Variants in FHIT observed in about 807,000 individuals in gnomAD.
FHIT encodes bis(5'-adenosyl)-triphosphatase.
In FHIT, 19 loss-of-function variants were observed where a neutral mutation model predicts 17.9. The ratio of observed to expected loss-of-function variants is 1.06; its 90% CI spans 0.74 to 1.56. The LOEUF (loss-of-function observed/expected upper bound fraction) is 1.56. Among genes scored for constraint, FHIT ranks in the 40% most tolerant of loss-of-function variants. The pLI is 0.00. For missense variants in FHIT, 248 were observed against 189.2 expected, an observed-to-expected ratio of 1.31 and a Z score of -1.82; for synonymous variants, 81 against 69.7, an observed-to-expected ratio of 1.16 and a Z score of -0.81.
At chr3:61,214,035 A>G (rs1473389752) in intron 1 of FHIT, among the ~76,000 whole-genome samples, 2 of 152,230 alleles carry the variant, frequency 1.3e-5, no homozygotes, top group East Asian at 1.9e-4. Context: ...ATAGCACTAA[A>G]TGCCCACAAA....
Position 60,626,258 on chromosome 3 carries a change from A to G in FHIT, c.-17-89279T>C, listed in dbSNP as rs188451624. Among the ~76,000 whole-genome samples the G allele has an allele frequency of 5.7e-4, 87 of 152,328 alleles. 1 individual carries two copies. The highest frequency in any genetic ancestry group is 1.0e-3 in the Admixed American group (16 of 15,298). ...GATTATCCTGTCAAGTTTTACAACA[A>G]TATCTGCTGAGATTTTGATAGGAGT... On this transcript the variant is annotated intron_variant, in intron 4 of 9. Transcript: ENST00000492590.
intron 7 of FHIT, among the ~76,000 whole-genome samples, chr3:59,948,422 C>T (rs1022956839): frequency 6.6e-6 from 1 of 150,950 alleles, no homozygotes; most frequent in African/African-American, 2.4e-5. Context: ...GAGGCTGAGT[C>T]AGGAGAATTG....
chr3:59,912,187 C>T (rs193212635), intron 8 of FHIT, among the ~76,000 whole-genome samples: 3 of 152,172 alleles, frequency 2.0e-5, no homozygotes, highest in African/African-American at 7.2e-5. Context: ...CACAGTCTCC[C>T]TCCACATTTG....
At chr3:60,942,714 T>C (rs1553774856) in intron 3 of FHIT, among the ~76,000 whole-genome samples, 1 of 152,178 alleles carries the variant, frequency 6.6e-6, no homozygotes, top group Admixed American at 6.5e-5. Flanking sequence ...GGTAATATTT[T>C]TGTATTATTC....
chr3:59,863,693 T>A (rs1016348351), intron 8 of FHIT, among the ~76,000 whole-genome samples: 4 of 152,162 alleles, frequency 2.6e-5, no homozygotes, highest in African/African-American at 9.6e-5. Flanking sequence ...GCAGGCAAAA[T>A]GGATTACATA....
At chr3:60,151,165 G>A (rs148594762) in intron 5 of FHIT, among the ~76,000 whole-genome samples, 104 of 152,208 alleles carry the variant, frequency 6.8e-4, no homozygotes, top group African/African-American at 2.0e-3. Flanking sequence ...TTGAAATTCT[G>A]TCAATTTCCT....
At chr3:61,125,457 TA>T (rs1418823127) in intron 2 of FHIT, among the ~76,000 whole-genome samples, 2 of 152,228 alleles carry the variant, frequency 1.3e-5, no homozygotes, top group Non-Finnish European at 2.9e-5. Context: ...TATAAATACC[TA>T]ATTGTTCTCC....
chr3:59,776,168 G>A (rs1046626007), intron 8 of FHIT, among the ~76,000 whole-genome samples: 9 of 152,228 alleles, frequency 5.9e-5, no homozygotes, highest in African/African-American at 2.2e-4. Context: ...TCCCCTTTGG[G>A]AATGGGCCTT....
chr3:60,094,768 G>A (rs991760330), intron 5 of FHIT, among the ~76,000 whole-genome samples: 7 of 151,896 alleles, frequency 4.6e-5, no homozygotes, highest in Non-Finnish European at 1.0e-4. Context: ...ATTTGCAGGT[G>A]AGGGAGGGAA....
intron 5 of FHIT, among the ~76,000 whole-genome samples, chr3:60,338,732 T>C (rs1039689888): frequency 2.6e-5 from 4 of 152,180 alleles, no homozygotes; most frequent in African/African-American, 9.7e-5. Flanking sequence ...CAGAAGACCA[T>C]GGCACATAAT....
At position 60,034,412 on chromosome 3, in the gene FHIT, C is replaced by A. The variant is rs186554073; in HGVS notation, c.104-20260G>T. On this transcript the variant is annotated intron_variant, in intron 5 of 9. Coordinates refer to ENST00000492590, the MANE Select transcript of FHIT (RefSeq NM_002012.4). ...TAAAACGTCACAGGAATTTAATTAT[C>A]TGTAGGCAAGAAGATGATATGATCA... is the stretch of plus-strand genomic sequence containing the variant. 7.9e-5 allele frequency among the ~76,000 whole-genome samples: 12 copies of A among 152,286 alleles called. No individual in the cohort carries two copies. The East Asian group carries it at 2.3e-3, about 29-fold the overall frequency.
intron 7 of FHIT, among the ~76,000 whole-genome samples, chr3:59,936,709 TTAG>T (rs1324011376): frequency 6.6e-6 from 1 of 152,124 alleles, no homozygotes; most frequent in Non-Finnish European, 1.5e-5. Context: ...GTTAAGGGAA[TTAG>T]CAACTTGTCC....
chr3:60,253,929 A>G (rs2107597015), intron 5 of FHIT, among the ~76,000 whole-genome samples: 1 of 152,346 alleles, frequency 6.6e-6, no homozygotes, highest in Non-Finnish European at 1.5e-5. Context: ...TTACTAATCT[A>G]ATCTCAACTA....
At chr3:60,319,467 G>A (rs1018159206) in intron 5 of FHIT, among the ~76,000 whole-genome samples, 1 of 151,630 alleles carries the variant, frequency 6.6e-6, no homozygotes, top group Non-Finnish European at 1.5e-5. Context: ...AAAAAACAAC[G>A]AACAGAGTAG....
At chr3:59,858,518 G>C (rs1702272557) in intron 8 of FHIT, among the ~76,000 whole-genome samples, 1 of 152,102 alleles carries the variant, frequency 6.6e-6, no homozygotes, top group Middle Eastern at 3.4e-3. Context: ...GAGCCATCGT[G>C]CCCAGCCTTT....
At chr3:60,550,585 A>C (rs1388119966) in intron 4 of FHIT, among the ~76,000 whole-genome samples, 1 of 150,148 alleles carries the variant, frequency 6.7e-6, no homozygotes, top group Non-Finnish European at 1.5e-5. Flanking sequence ...ATCTCACTTC[A>C]TCAGTTACCT....
chr3:61,024,639 G>A (rs926138237), intron 3 of FHIT, among the ~76,000 whole-genome samples: 2 of 152,092 alleles, frequency 1.3e-5, no homozygotes, highest in African/African-American at 4.8e-5. Flanking sequence ...TATAAAGATG[G>A]AATAGTCTAA....
At chr3:60,346,839 G>A (rs1710805098) in intron 5 of FHIT, among the ~76,000 whole-genome samples, 1 of 152,228 alleles carries the variant, frequency 6.6e-6, no homozygotes, top group East Asian at 1.9e-4. Flanking sequence ...CTGAATTTAG[G>A]TTTCTGTAGC....
intron 5 of FHIT, among the ~76,000 whole-genome samples, chr3:60,441,382 A>G (rs1256408622): frequency 6.6e-6 from 1 of 152,196 alleles, no homozygotes; most frequent in East Asian, 1.9e-4. Flanking sequence ...CGGGAAAAAG[A>G]GGTGTCTCCA....
Sources: allele counts gnomAD v4.1 joint callset (sites outside exome capture counted in the v4.1 genomes callset), GRCh38; gene constraint gnomAD v4.1.1; transcripts MANE v1.5; gene names NCBI Gene and HGNC (gene_info 2026-07-23, HGNC 2026-07-21).